Variants in NRG3 observed in about 807,000 individuals in gnomAD.
NRG3 encodes neuregulin 3.
Under a neutral mutation model 66.9 loss-of-function variants are expected in NRG3, and 31 were observed. The observed-to-expected ratio is 0.46, with a 90% confidence interval of 0.35 to 0.63. The LOEUF (loss-of-function observed/expected upper bound fraction) is 0.63, where lower values mean the gene tolerates loss of function less well. Among genes scored for constraint, NRG3 ranks in the 20% least tolerant of loss-of-function variants. The pLI, the probability that NRG3 is intolerant of heterozygous loss-of-function variation, is 0.00. For missense variants in NRG3, 910 were observed against 878.9 expected, an observed-to-expected ratio of 1.04 and a Z score of -0.45; for synonymous variants, 393 against 359.4, an observed-to-expected ratio of 1.09 and a Z score of -1.06.
At chr10:82,344,115 A>T (rs1468682390) in intron 1 of NRG3, among the ~76,000 whole-genome samples, 6 of 149,078 alleles carry the variant, frequency 4.0e-5, no homozygotes, top group Non-Finnish European at 3.0e-5. Context: ...CACATTGTGC[A>T]GGTTAGTTAC....
chr10:82,843,042 A>G (rs557524287), intron 3 of NRG3, among the ~76,000 whole-genome samples: 1 of 152,364 alleles, frequency 6.6e-6, no homozygotes, highest in South Asian at 2.1e-4. Context: ...TCTCTCTCAA[A>G]ATACTATAAT....
chr10:82,523,415 A>G (rs1254555702), intron 2 of NRG3, among the ~76,000 whole-genome samples: 1 of 151,488 alleles, frequency 6.6e-6, no homozygotes, highest in East Asian at 1.9e-4. Context: ...ATCTTTTCTA[A>G]TAATTGTCAT....
chr10:82,191,181 T>A (rs1012970513), intron 1 of NRG3, among the ~76,000 whole-genome samples: 2 of 152,144 alleles, frequency 1.3e-5, no homozygotes, highest in African/African-American at 4.8e-5. Context: ...TTTAGCAACA[T>A]TTACTTTAGG....
intron 2 of NRG3, among the ~76,000 whole-genome samples, chr10:82,479,524 G>A (rs1007076049): frequency 6.8e-6 from 1 of 147,334 alleles, no homozygotes; most frequent in Non-Finnish European, 1.5e-5. Flanking sequence ...ACAGCTGGGC[G>A]TGGTGATGCA....
Position 82,951,517 on chromosome 10 carries a change from T to C in NRG3, c.1103T>C (p.Ile368Thr), listed in dbSNP as rs1217779499. ...CAGGTGCTGTCAATTTCATGTATCATCTTTGGAATTGTCATCGTGGGCATG... is the reference window on the plus strand; with the variant it reads ...CAGGTGCTGTCAATTTCATGTATCACCTTTGGAATTGTCATCGTGGGCATG... ...QRQVLSISCIIFGIVIVGMFC... is the reference protein window; with the variant it reads ...QRQVLSISCITFGIVIVGMFC... Residue 368 changes from isoleucine (I) to threonine (T), a missense_variant, in exon 5 of 9, where the codon ATC (isoleucine) becomes ACC (threonine). Coordinates refer to ENST00000372141, the MANE Select transcript of NRG3 (RefSeq NM_001010848.4). 1 of 1,614,028 alleles carries C rather than the reference T, an allele frequency of 6.2e-7. No individual in the cohort carries two copies. The highest frequency in any genetic ancestry group is 1.1e-5 in the South Asian group (1 of 91,088).
At chr10:82,625,596 G>C (rs1170762289) in intron 2 of NRG3, among the ~76,000 whole-genome samples, 1 of 152,086 alleles carries the variant, frequency 6.6e-6, no homozygotes. Context: ...CCTTGTCCTT[G>C]TTTTCCATCT....
intron 4 of NRG3, among the ~76,000 whole-genome samples, chr10:82,896,023 T>C (rs1479164496): frequency 2.0e-5 from 3 of 152,202 alleles, no homozygotes; most frequent in Admixed American, 6.5e-5. Flanking sequence ...ATGAGTATTA[T>C]CTTTCCAATC....
At chr10:82,917,968 G>GTATA (rs1419038422) in intron 4 of NRG3, among the ~76,000 whole-genome samples, 62 of 97,376 alleles carry the variant, frequency 6.4e-4, no homozygotes, top group African/African-American at 2.0e-3. Context: ...GTGTGTGTGT[G>GTATA]TGTATATATA....
chr10:82,876,115 A>G (rs1413843291), intron 4 of NRG3, among the ~76,000 whole-genome samples: 2 of 152,338 alleles, frequency 1.3e-5, no homozygotes, highest in East Asian at 3.9e-4. Context: ...TGATTGGTAG[A>G]CACTGAGGAA....
chr10:82,160,802 G>A (rs185384970), intron 1 of NRG3, among the ~76,000 whole-genome samples: 1 of 152,086 alleles, frequency 6.6e-6, no homozygotes, highest in Non-Finnish European at 1.5e-5. Context: ...AGGGAAACAA[G>A]TTCAGCATGT....
At chr10:82,593,765 C>T (rs2047113436) in intron 2 of NRG3, among the ~76,000 whole-genome samples, 1 of 151,784 alleles carries the variant, frequency 6.6e-6, no homozygotes, top group Admixed American at 6.6e-5. Context: ...ATAAAACTAT[C>T]AGGTATTAAA....
chr10:82,785,984 C>G (rs1413363790), intron 3 of NRG3, among the ~76,000 whole-genome samples: 3 of 152,114 alleles, frequency 2.0e-5, no homozygotes, highest in Non-Finnish European at 4.4e-5. Flanking sequence ...GCGATCTACT[C>G]CTAAATTTAA....
intron 1 of NRG3, among the ~76,000 whole-genome samples, chr10:82,103,640 G>C (rs149550111): frequency 9.9e-5 from 15 of 152,150 alleles, no homozygotes; most frequent in African/African-American, 3.6e-4. Flanking sequence ...CTTAGCAGTG[G>C]CTCAGAAATT....
chr10:81,938,488 T>C (rs1848098111), intron 1 of NRG3, among the ~76,000 whole-genome samples: 1 of 151,902 alleles, frequency 6.6e-6, no homozygotes, highest in Admixed American at 6.6e-5. Context: ...TCCTTGATGA[T>C]ATTGTAAATG....
chr10:81,888,195 T>G (rs1589357761), intron 1 of NRG3, among the ~76,000 whole-genome samples: 1 of 152,108 alleles, frequency 6.6e-6, no homozygotes, highest in East Asian at 1.9e-4. Flanking sequence ...CAGGATCCCC[T>G]CTTAGTGAGA....
rs1221806603 is a variant in NRG3 at position 82,022,673 on chromosome 10, G to A, written c.823+146510G>A. 2.6e-5 allele frequency among the ~76,000 whole-genome samples: 4 copies of A among 151,950 alleles called. No individual in the cohort carries two copies. The East Asian group carries it at 7.7e-4, about 29-fold the overall frequency. Reference sequence around the variant, plus strand: ...GGAAGAAAGTCATAAAATCAACTATGCCTTAGATCTGCATTGTCAAATCGG... The same window carrying A: ...GGAAGAAAGTCATAAAATCAACTATACCTTAGATCTGCATTGTCAAATCGG... On this transcript the variant is annotated intron_variant, in intron 1 of 8. Transcript: ENST00000372141.
At chr10:82,467,695 G>A (rs1840823010) in intron 2 of NRG3, among the ~76,000 whole-genome samples, 2 of 152,304 alleles carry the variant, frequency 1.3e-5, no homozygotes, top group South Asian at 4.1e-4. Flanking sequence ...GATGTCCTGT[G>A]ACTGATGAGC....
At chr10:82,726,830 G>A (rs2134588963) in intron 2 of NRG3, among the ~76,000 whole-genome samples, 1 of 152,312 alleles carries the variant, frequency 6.6e-6, no homozygotes, top group East Asian at 1.9e-4. Context: ...ACTTCCTAGA[G>A]ACTTGTTGAA....
intron 1 of NRG3, among the ~76,000 whole-genome samples, chr10:82,009,710 A>G (rs1436209832): frequency 6.8e-6 from 1 of 147,486 alleles, no homozygotes; most frequent in Non-Finnish European, 1.5e-5. Context: ...AGAGGACTCC[A>G]TCTTTCTAGG....
Sources: gnomAD v4.1 joint callset for allele counts (sites outside exome capture counted in the v4.1 genomes callset) on GRCh38, gnomAD v4.1.1 for gene constraint, MANE v1.5 for transcripts, NCBI Gene and HGNC (gene_info 2026-07-23, HGNC 2026-07-21) for gene names.